Variants in RNF19A observed in about 807,000 individuals in gnomAD.
RNF19A encodes the protein E3 ubiquitin-protein ligase RNF19A.
A neutral mutation model predicts 75.7 loss-of-function variants in RNF19A; 32 were observed. That is an observed-to-expected ratio of 0.42 (90% CI 0.32 to 0.57). The LOEUF (loss-of-function observed/expected upper bound fraction) is 0.57. Among genes scored for constraint, RNF19A ranks in the 20% least tolerant of loss-of-function variants. RNF19A has a pLI of 0.10. For synonymous variants in RNF19A, 335 were observed against 345.2 expected, an observed-to-expected ratio of 0.97 and a Z score of 0.33; for missense variants, 782 against 1,036.3, an observed-to-expected ratio of 0.75 and a Z score of 3.37.
intron 1 of RNF19A, among the ~76,000 whole-genome samples, chr8:100,328,529 T>C (rs768971122): frequency 6.6e-6 from 1 of 151,940 alleles, no homozygotes; most frequent in African/African-American, 2.4e-5. Flanking sequence ...TGGAGTGCAG[T>C]GGCACAATCT....
chr8:100,300,956 A>G (rs897649608), intron 1 of RNF19A, among the ~76,000 whole-genome samples: 1 of 152,228 alleles, frequency 6.6e-6, no homozygotes, highest in African/African-American at 2.4e-5. Flanking sequence ...TGCTCTTCTC[A>G]AGAGGCTGCA....
rs1822490380 is a variant in RNF19A at position 100,323,500 on chromosome 8, T to C, written c.-242-10128A>G. On this transcript the variant is annotated intron_variant, in intron 1 of 3. Coordinates refer to the RNF19A transcript ENST00000519527. This position sits in a 1 kb window ranked among gnomAD's most constrained non-coding sequence, Gnocchi z 4.6. ...TCTTTTCTGCCATCCATTCTTAGAA[T>C]TGTCACATTAACTGCACGTATGCTA... 6.6e-6 allele frequency among the ~76,000 whole-genome samples: 1 copy of C among 152,234 alleles called. No individual in the cohort carries two copies. The highest frequency in any genetic ancestry group is 6.5e-5 in the Admixed American group (1 of 15,286).
chr8:100,272,546 T>G (rs1820307588), intron 3 of RNF19A, among the ~76,000 whole-genome samples: 1 of 152,068 alleles, frequency 6.6e-6, no homozygotes, highest in African/African-American at 2.4e-5. Context: ...CACTTTTTTT[T>G]TTTTTTAAAT....
chr8:100,308,710 G>A (rs1044020219), intron 1 of RNF19A, among the ~76,000 whole-genome samples: 1 of 152,144 alleles, frequency 6.6e-6, no homozygotes, highest in South Asian at 2.1e-4. Context: ...AATGTGGAAT[G>A]TAAAGATCAC....
At position 100,287,975 on chromosome 8, in the gene RNF19A, A is replaced by G; in HGVS notation, c.200T>C (p.Ile67Thr). 6.2e-7 allele frequency: 1 copy of G among 1,614,154 alleles called. No homozygotes were observed. Among genetic ancestry groups the G allele is most frequent in the Non-Finnish European group, 8.5e-7 (1 of 1,180,010 alleles). ...KKAPKKRRIS[I>T]GSLFRRKKDN... The stretch of plus-strand genomic sequence containing the variant: ...TTTTTTCCTCCGAAACAGGGAGCCT[A>G]TTGAAATTCTTCTTTTTTTGGGTGC... The change falls in exon 2 of 10, where the codon ATA (isoleucine) becomes ACA (threonine). Residue 67 changes from isoleucine to threonine, a missense_variant. Physicochemically the swap from Ile to Thr is moderately conservative, Grantham distance 89 (BLOSUM62 -1). Around this residue, in one of 7 missense-constraint regions of RNF19A, gnomAD observed 148 missense variants for 147.9 expected, o/e 1.00. Transcript: ENST00000341084. The surrounding 1 kb of genome is among the most constrained non-coding windows in gnomAD (Gnocchi z 4.1).
chr8:100,273,015 A>C (rs1231070387), intron 3 of RNF19A, among the ~76,000 whole-genome samples: 1 of 151,998 alleles, frequency 6.6e-6, no homozygotes, highest in East Asian at 1.9e-4. Flanking sequence ...AGAGATGCCC[A>C]TCACCACGCC....
rs1819498231 is a variant in RNF19A at position 100,257,229 on chromosome 8, A to G, written c.*1327T>C. ...TGGACCTGGTAGGGAAAAGTGATGG[A>G]AGAAGACTGCAGCCCATGGCATTTT... On this transcript the variant is annotated 3_prime_UTR_variant, in exon 10 of 10. Transcript: ENST00000341084. 6.6e-6 allele frequency: 1 copy of G among 152,666 alleles called. No homozygotes were observed. Among genetic ancestry groups the G allele is most frequent in the African/African-American group, 2.4e-5 (1 of 41,460 alleles). 9.5% of individuals were successfully genotyped at this position (152,666 alleles called of 1,614,324 possible).
At chr8:100,295,740 A>G (rs1490356668) in intron 1 of RNF19A, among the ~76,000 whole-genome samples, 3 of 152,218 alleles carry the variant, frequency 2.0e-5, no homozygotes, top group African/African-American at 7.2e-5. Context: ...GTGATCTACT[A>G]GAAATGATGT....
chr8:100,299,497 C>T (rs919504839), intron 1 of RNF19A, among the ~76,000 whole-genome samples: 9 of 152,162 alleles, frequency 5.9e-5, no homozygotes, highest in African/African-American at 1.9e-4. Context: ...CGGTGGCTCA[C>T]GCCTGTAATC....
At position 100,259,658 on chromosome 8, in the gene RNF19A, C is replaced by T. The variant is rs927335640; in HGVS notation, c.1826+196G>A. Among the ~76,000 whole-genome samples the T allele has an allele frequency of 6.6e-6, 1 of 152,142 alleles. No individual in the cohort carries two copies. Among genetic ancestry groups the T allele is most frequent in the African/African-American group, 2.4e-5 (1 of 41,418 alleles). Reference sequence around the variant, plus strand: ...CCATTAGCAGTTAGTTACCATTCTTCCCTTTCCCAGCCCTTGACAACCACA... The same window carrying T: ...CCATTAGCAGTTAGTTACCATTCTTTCCTTTCCCAGCCCTTGACAACCACA... On this transcript the variant is annotated intron_variant, in intron 9 of 9. Coordinates refer to ENST00000341084, the MANE Select transcript of RNF19A (RefSeq NM_183419.4). This position sits in a 1 kb window ranked among gnomAD's most constrained non-coding sequence, Gnocchi z 4.5.
At position 100,317,947 on chromosome 8, in the gene RNF19A, G is replaced by C. The variant is rs1488349595; in HGVS notation, c.-242-4575C>G. 2.6e-5 allele frequency among the ~76,000 whole-genome samples: 4 copies of C among 152,108 alleles called. No individual in the cohort carries two copies. The highest frequency in any genetic ancestry group is 5.9e-5 in the Non-Finnish European group (4 of 68,004). On this transcript the variant is annotated intron_variant, in intron 1 of 3. Coordinates refer to the RNF19A transcript ENST00000519527. This position sits in a 1 kb window ranked among gnomAD's most constrained non-coding sequence, Gnocchi z 4.3. ...ATGAGCCTCAATGTCAAGGCCAACTGTTGTGACATTTTTGCCCCTGGATAG... is the reference window on the plus strand; with the variant it reads ...ATGAGCCTCAATGTCAAGGCCAACTCTTGTGACATTTTTGCCCCTGGATAG...
Position 100,333,997 on chromosome 8 carries a change from T to C in RNF19A, c.-243+2111A>G, listed in dbSNP as rs988205453. Among the ~76,000 whole-genome samples, 11 of 152,202 alleles carry C rather than the reference T, an allele frequency of 7.2e-5. No individual in the cohort carries two copies. Among genetic ancestry groups the C allele is most frequent in the East Asian group, 1.9e-4 (1 of 5,204 alleles). ...ATTTACTACTACTGCCCAATAAACA[T>C]CCTCCACCCTAGTTGGACTGGTCTG... On this transcript the variant is annotated intron_variant, in intron 1 of 3. Transcript: ENST00000519527. The surrounding 1 kb of genome is among the most constrained non-coding windows in gnomAD (Gnocchi z 4.7).
intron 1 of RNF19A, chr8:100,303,507 C>T (rs140904167): frequency 6.6e-6 from 1 of 152,126 alleles, no homozygotes; most frequent in East Asian, 1.9e-4. Flanking sequence ...AGGACATGAA[C>T]ATATCTTTTG....
intron 3 of RNF19A, among the ~76,000 whole-genome samples, chr8:100,272,759 T>A (rs1050870200): frequency 6.6e-6 from 1 of 152,052 alleles, no homozygotes; most frequent in Non-Finnish European, 1.5e-5. Flanking sequence ...GCCCAGGCTG[T>A]TGAAGTTTTA....
At chr8:100,292,751 C>G (rs1182328473) in intron 1 of RNF19A, among the ~76,000 whole-genome samples, 2 of 152,140 alleles carry the variant, frequency 1.3e-5, no homozygotes, top group Non-Finnish European at 2.9e-5. Flanking sequence ...TGCCCCACCC[C>G]CTACATACAT....
chr8:100,328,473 G>A (rs1822568551), intron 1 of RNF19A, among the ~76,000 whole-genome samples: 1 of 151,340 alleles, frequency 6.6e-6, no homozygotes, highest in South Asian at 2.1e-4. Flanking sequence ...TTTTTTGTTT[G>A]TTTGCTTTTT....
At chr8:100,328,004 G>A (rs550172602) in intron 1 of RNF19A, among the ~76,000 whole-genome samples, 52 of 152,264 alleles carry the variant, frequency 3.4e-4, no homozygotes, top group Non-Finnish European at 5.4e-4. Flanking sequence ...TAAGAGTCTC[G>A]CATCATGATG....
intron 1 of RNF19A, among the ~76,000 whole-genome samples, chr8:100,302,878 G>T (rs899866758): frequency 1.3e-5 from 2 of 152,132 alleles, no homozygotes; most frequent in Non-Finnish European, 2.9e-5. Flanking sequence ...GTTAGGAGAA[G>T]AAAGAAACGA....
chr8:100,263,113 G>A (rs1819802795), intron 7 of RNF19A, among the ~76,000 whole-genome samples: 1 of 152,144 alleles, frequency 6.6e-6, no homozygotes, highest in Non-Finnish European at 1.5e-5. Context: ...GGAGAGGTCG[G>A]TCTATGCATT....
Sources: gnomAD v4.1 joint callset for allele counts (sites outside exome capture counted in the v4.1 genomes callset) on GRCh38, gnomAD v4.1.1 for gene constraint, gnomAD v4.1.1 regional missense constraint, Gnocchi (gnomAD v3.1) non-coding constraint, MANE v1.5 for transcripts, NCBI Gene and HGNC (gene_info 2026-07-23, HGNC 2026-07-21) for gene names.